The following PTPRD variants were observed in gnomAD, a reference collection of about 807,000 sequenced individuals.
PTPRD encodes the protein protein tyrosine phosphatase receptor type D, also known as receptor-type tyrosine-protein phosphatase delta.
In PTPRD, 34 loss-of-function variants were observed where a neutral mutation model predicts 214.5. The ratio of observed to expected loss-of-function variants is 0.16; its 90% CI spans 0.12 to 0.21. The LOEUF (loss-of-function observed/expected upper bound fraction) is 0.21. Among genes scored for constraint, PTPRD ranks in the 10% least tolerant of loss-of-function variants. The pLI, the probability that PTPRD is intolerant of heterozygous loss-of-function variation, is 1.00. For missense variants in PTPRD, 2,545 were observed against 2,398.7 expected, an observed-to-expected ratio of 1.06 and a Z score of -1.27; for synonymous variants, 1,128 against 845.7, an observed-to-expected ratio of 1.33 and a Z score of -5.79.
intron 2 of PTPRD, among the ~76,000 whole-genome samples, chr9:10,486,029 GT>G (rs199991184): frequency 0.25 from 37,583 of 148,616 alleles, 5,163 homozygotes; most frequent in East Asian, 0.37. Context: ...ACTTTTTGAT[GT>G]TTTTTTTTTT....
rs1055429126 is a variant in PTPRD, at chr9:8,535,250, G to A, written c.353-6471C>T. Among the ~76,000 whole-genome samples, 4 of 151,840 alleles carry A rather than the reference G, an allele frequency of 2.6e-5. No individual in the cohort carries two copies. In the South Asian group the frequency reaches 6.2e-4, roughly 24 times the overall value. ...GGGATCAGAGGCATGTGACTCTAAG[G>A]CTTGATCAAACAAGTAGTGCAGCAA... is the stretch of plus-strand genomic sequence containing the variant. On this transcript the variant is annotated intron_variant, in intron 14 of 45. Transcript: ENST00000381196.
chr9:8,465,281 T>G (rs891510702), intron 32 of PTPRD, among the ~76,000 whole-genome samples, 185 bp downstream of exon 32: 1 of 151,936 alleles, frequency 6.6e-6, no homozygotes, highest in Non-Finnish European at 1.5e-5. Flanking sequence ...CATAGTCTCA[T>G]TTGTAATGCA....
chr9:9,584,186 T>G (rs1356048681), intron 7 of PTPRD, among the ~76,000 whole-genome samples: 2 of 151,886 alleles, frequency 1.3e-5, no homozygotes, highest in Non-Finnish European at 2.9e-5. Flanking sequence ...AGCCACGGTT[T>G]GTTTATCTCA....
intron 3 of PTPRD, among the ~76,000 whole-genome samples, chr9:10,303,215 A>C (rs1430872536): frequency 6.6e-6 from 1 of 152,208 alleles, no homozygotes; most frequent in Non-Finnish European, 1.5e-5. Flanking sequence ...GAAACCAATG[A>C]GAACAAAGTC....
chr9:8,699,955 A>G (rs928410204), intron 12 of PTPRD, among the ~76,000 whole-genome samples: 10 of 152,180 alleles, frequency 6.6e-5, no homozygotes, highest in African/African-American at 2.4e-4. Flanking sequence ...GTATTTTCAA[A>G]TATCAGTAAT....
At chr9:8,639,667 G>C (rs1027397812) in intron 12 of PTPRD, among the ~76,000 whole-genome samples, 1 of 152,180 alleles carries the variant, frequency 6.6e-6, no homozygotes, top group Admixed American at 6.5e-5. Flanking sequence ...AGAAGAGTTG[G>C]CAATTCTGAC....
At chr9:10,155,784 G>C (rs994623858) in intron 3 of PTPRD, among the ~76,000 whole-genome samples, 1 of 152,074 alleles carries the variant, frequency 6.6e-6, no homozygotes, top group African/African-American at 2.4e-5. Context: ...TTGCATCCCA[G>C]AGATAAAGCC....
At chr9:8,782,875 C>T (rs1245537477) in intron 11 of PTPRD, among the ~76,000 whole-genome samples, 1 of 152,116 alleles carries the variant, frequency 6.6e-6, no homozygotes, top group East Asian at 1.9e-4. Flanking sequence ...GGATTACAGG[C>T]CTGAGCCACC....
intron 11 of PTPRD, among the ~76,000 whole-genome samples, chr9:8,794,648 C>T (rs1036012239): frequency 6.6e-6 from 1 of 151,450 alleles, no homozygotes; most frequent in Non-Finnish European, 1.5e-5. Flanking sequence ...CCAGCAGAAG[C>T]CAAATTTGAG....
chr9:9,908,140 G>C (rs1188754929), intron 5 of PTPRD, among the ~76,000 whole-genome samples: 1 of 151,844 alleles, frequency 6.6e-6, no homozygotes, highest in Admixed American at 6.6e-5. Flanking sequence ...AAAGTATCTA[G>C]TTGGGCAAAG....
chr9:9,781,927 G>A (rs1197787581), intron 5 of PTPRD, among the ~76,000 whole-genome samples: 1 of 151,988 alleles, frequency 6.6e-6, no homozygotes, highest in Non-Finnish European at 1.5e-5. Flanking sequence ...CAAGTAGCTG[G>A]GACTACAGGC....
At chr9:10,140,327 T>TTA (rs1554718077) in intron 3 of PTPRD, among the ~76,000 whole-genome samples, 7 of 149,336 alleles carry the variant, frequency 4.7e-5, no homozygotes, top group Admixed American at 3.3e-4. Flanking sequence ...CAATCATTAA[T>TTA]AAAAAAAAAT....
At chr9:8,776,977 A>C (rs2095509970) in intron 11 of PTPRD, among the ~76,000 whole-genome samples, 1 of 148,812 alleles carries the variant, frequency 6.7e-6, no homozygotes, top group South Asian at 2.1e-4. Context: ...CTATTCATAT[A>C]TATATACATT....
intron 3 of PTPRD, among the ~76,000 whole-genome samples, chr9:10,172,554 T>G (rs12338662): frequency 0.31 from 46,846 of 152,030 alleles, 7,371 homozygotes; most frequent in South Asian, 0.39. Context: ...TCATGCCTTG[T>G]TGGGACCTGC....
At chr9:8,949,101 G>A (rs1465137209) in intron 11 of PTPRD, among the ~76,000 whole-genome samples, 4 of 151,398 alleles carry the variant, frequency 2.6e-5, no homozygotes, top group Non-Finnish European at 5.9e-5. Context: ...GCGGGCACCT[G>A]TAATCCCAGC....
intron 3 of PTPRD, among the ~76,000 whole-genome samples, chr9:10,145,571 C>A (rs2099016535): frequency 6.6e-6 from 1 of 152,066 alleles, no homozygotes; most frequent in Non-Finnish European, 1.5e-5. Flanking sequence ...AGTTAATCAA[C>A]TGTTTATGTT....
intron 5 of PTPRD, among the ~76,000 whole-genome samples, chr9:9,796,971 A>T (rs1372751521): frequency 6.6e-6 from 1 of 152,194 alleles, no homozygotes; most frequent in African/African-American, 2.4e-5. Context: ...GGATGGTGGT[A>T]AACTCAGTGT....
At chr9:8,623,353 T>A (rs2095880812) in intron 14 of PTPRD, among the ~76,000 whole-genome samples, 1 of 151,908 alleles carries the variant, frequency 6.6e-6, no homozygotes, top group South Asian at 2.1e-4. Flanking sequence ...GACAGAATGA[T>A]GTTCAAATTT....
At chr9:8,741,883 C>T (rs2092024229) in intron 11 of PTPRD, among the ~76,000 whole-genome samples, 1 of 151,994 alleles carries the variant, frequency 6.6e-6, no homozygotes, top group South Asian at 2.1e-4. Flanking sequence ...GCCACCGCGC[C>T]TGACCGGGCA....
Sources: gnomAD v4.1 joint callset for allele counts (sites outside exome capture counted in the v4.1 genomes callset) on GRCh38, gnomAD v4.1.1 for gene constraint, MANE v1.5 for transcripts, NCBI Gene and HGNC (gene_info 2026-07-23, HGNC 2026-07-21) for gene names.